Variants in AGO4 observed in about 807,000 individuals in gnomAD.
The protein encoded by AGO4 is argonaute RISC component 4.
In AGO4, 33 loss-of-function variants were observed where a neutral mutation model predicts 104.7. The ratio of observed to expected loss-of-function variants is 0.32; its 90% confidence interval spans 0.24 to 0.42. The LOEUF is 0.42. AGO4 is among the 10% of genes least tolerant of loss of function. The pLI, the probability that AGO4 is intolerant of heterozygous loss-of-function variation, is 1.00. For synonymous variants in AGO4, 331 were observed against 364.7 expected, an observed-to-expected ratio of 0.91 and a Z score of 1.05; for missense variants, 711 against 1,083.4, an observed-to-expected ratio of 0.66 and a Z score of 4.83.
chr1:35,822,315 G>A (rs988114681), intron 2 of AGO4, among the ~76,000 whole-genome samples: 2 of 152,076 alleles, frequency 1.3e-5, no homozygotes, highest in South Asian at 4.1e-4. Flanking sequence ...GAGTGCAATG[G>A]CACGATCTTG....
At chr1:35,822,319 G>A (rs1349592448) in intron 2 of AGO4, among the ~76,000 whole-genome samples, 2 of 152,050 alleles carry the variant, frequency 1.3e-5, no homozygotes, top group African/African-American at 4.8e-5. Context: ...GCAATGGCAC[G>A]ATCTTGGTTC....
Position 35,854,382 on chromosome 1 carries a change from T to C in AGO4, c.*777T>C, listed in dbSNP as rs1436061690. 2.0e-5 allele frequency: 3 copies of C among 152,562 alleles called. No individual in the cohort carries two copies. Among genetic ancestry groups the C allele is most frequent in the Non-Finnish European group, 4.4e-5 (3 of 68,020 alleles). 9.5% of individuals were successfully genotyped at this position (152,562 alleles called of 1,614,324 possible). A position where few individuals can be genotyped will look rare whatever the true frequency, so the allele number is the denominator to read the frequency against. On this transcript the variant is annotated 3_prime_UTR_variant, in exon 18 of 18. Coordinates refer to ENST00000373210, the MANE Select transcript of AGO4 (RefSeq NM_017629.4). ...TGTTTCCCCTATTTGGAAAAAAAAATTGCTTTTAGTATTTTTCCAAGTTTT... is the reference window on the plus strand; with the variant it reads ...TGTTTCCCCTATTTGGAAAAAAAAACTGCTTTTAGTATTTTTCCAAGTTTT...
rs1485044569 is a variant in AGO4, at chr1:35,816,056, A to T, written c.20-826A>T. Among the ~76,000 whole-genome samples, 5 of 152,222 alleles carry T rather than the reference A, an allele frequency of 3.3e-5. No homozygotes were observed. The East Asian group carries it at 9.6e-4, about 29-fold the overall frequency. ...TTCTAAAAATATCAAGTTATAAACG[A>T]GAAGGTCTAGCTTTATTGGTATTGT... On this transcript the variant is annotated intron_variant, in intron 1 of 17. Coordinates refer to ENST00000373210, the MANE Select transcript of AGO4 (RefSeq NM_017629.4).
At chr1:35,850,124 T>G in intron 15 of AGO4, 33 bp from the exon 16 acceptor site, 2 of 1,494,172 alleles carry the variant, frequency 1.3e-6, no homozygotes, top group South Asian at 2.5e-5. Context: ...TTTGGCACTT[T>G]GATGACTAAT....
In AGO4 at chr1:35,853,479, G is replaced by T; in HGVS notation, c.2478-18G>T. The T allele has an allele frequency of 6.4e-7, 1 of 1,573,934 alleles. No individual in the cohort carries two copies. Among genetic ancestry groups the T allele is most frequent in the Non-Finnish European group, 8.6e-7 (1 of 1,163,306 alleles). On this transcript the variant is annotated intron_variant, in intron 17 of 17. Transcript: ENST00000373210. ...TGTTTGTTTTGCTTTGTTTTGTTTT[G>T]TTTTATTCTCTTTACAGTGCGGAAG...
chr1:35,838,117 A>G (rs1644357867), intron 13 of AGO4, among the ~76,000 whole-genome samples: 1 of 151,918 alleles, frequency 6.6e-6, no homozygotes, highest in Non-Finnish European at 1.5e-5. Context: ...CAGTGATGCA[A>G]TCTCGGCTCA....
At position 35,808,445 on chromosome 1, in the gene AGO4, GAGCTC is replaced by G. The variant is rs1643369912; in HGVS notation, c.19+11_19+15del. On this transcript the variant is annotated intron_variant, in intron 1 of 17. Coordinates refer to ENST00000373210, the MANE Select transcript of AGO4 (RefSeq NM_017629.4). The surrounding 1 kb of genome is among the most constrained non-coding windows in gnomAD (Gnocchi z 5.2). Reference sequence around the variant, plus strand: ...GAGGCGCTGGGACCCGGTGAGGAGCGAGCTCGGGTCGGGGCGGGACCCGGGACCCG... The same window carrying G: ...GAGGCGCTGGGACCCGGTGAGGAGCGGGGTCGGGGCGGGACCCGGGACCCG... 8.5e-7 allele frequency: 1 copy of G among 1,177,694 alleles called. No homozygotes were observed. Among genetic ancestry groups the G allele is most frequent in the Non-Finnish European group, 1.0e-6 (1 of 953,176 alleles). The allele number at this position is 1,177,694 out of a possible 1,614,324, so 73.0% of individuals were successfully genotyped here. A position where few individuals can be genotyped will look rare whatever the true frequency, so the allele number is the denominator to read the frequency against.
chr1:35,847,329 G>A (rs924145032), intron 15 of AGO4, among the ~76,000 whole-genome samples: 10 of 152,076 alleles, frequency 6.6e-5, no homozygotes, highest in Admixed American at 1.3e-4. Flanking sequence ...TGCCTCCTGG[G>A]TTCAAGTGAT....
chr1:35,818,666 A>AAAGG lies in AGO4; in HGVS notation c.185+1654_185+1657dup, dbSNP rs796636245. ...GAAAGAAAGAAAGAAAGAAAGGAAG[A>AAAGG]AAGGAAGGAAGGAAGGAAGGAAGGA... On this transcript the variant is annotated intron_variant, in intron 2 of 17. Transcript: ENST00000373210. Among the ~76,000 whole-genome samples, 102 of 79,770 alleles carry AAAGG rather than the reference A, an allele frequency of 1.3e-3. 1 individual carries two copies. Among genetic ancestry groups the AAAGG allele is most frequent in the African/African-American group, 3.9e-3 (78 of 19,748 alleles). The allele number at this position is 79,770 out of a possible 152,430, so 52.3% of individuals were successfully genotyped here.
chr1:35,822,751 A>G (rs546342852), intron 2 of AGO4, 111 bp from the exon 3 acceptor site: 1 of 1,372,006 alleles, frequency 7.3e-7, no homozygotes, highest in East Asian at 2.4e-5. Context: ...CTTAACTCTT[A>G]CTTTTTCCAA....
intron 17 of AGO4, 96 bp downstream of exon 17, chr1:35,851,149 T>C (rs536083725): frequency 5.6e-5 from 70 of 1,245,608 alleles, no homozygotes; most frequent in Admixed American, 2.5e-4. Context: ...ATTTAAACTT[T>C]CAGAGTTTAA....
intron 1 of AGO4, among the ~76,000 whole-genome samples, chr1:35,811,885 A>G (rs1261171491): frequency 6.6e-6 from 1 of 152,136 alleles, no homozygotes; most frequent in Non-Finnish European, 1.5e-5. Context: ...GACATGAGCC[A>G]CTGCACCCAG....
rs967128258 is a variant in AGO4, at chr1:35,853,810, T to C, written c.*205T>C. On this transcript the variant is annotated 3_prime_UTR_variant, in exon 18 of 18. Coordinates refer to ENST00000373210, the MANE Select transcript of AGO4 (RefSeq NM_017629.4). The stretch of plus-strand genomic sequence containing the variant: ...ATTTTTTTAAAGTAATAGATACTAA[T>C]AGATTATCTTTTCTGATGCACTGGA... 6 of 445,746 alleles carry C rather than the reference T, an allele frequency of 1.3e-5. No homozygotes were observed. The highest frequency in any genetic ancestry group is 1.2e-4 in the African/African-American group (6 of 49,678). The allele number at this position is 445,746 out of a possible 1,614,324, so 27.6% of individuals were successfully genotyped here. A position where few individuals can be genotyped will look rare whatever the true frequency, so the allele number is the denominator to read the frequency against.
intron 1 of AGO4, among the ~76,000 whole-genome samples, chr1:35,815,453 TAG>T (rs748381070): frequency 6.6e-6 from 1 of 151,446 alleles, no homozygotes; most frequent in Non-Finnish European, 1.5e-5. Context: ...GTTCAAATCT[TAG>T]AGAGAGAGAG....
chr1:35,852,230 T>C (rs1053372325), intron 17 of AGO4, among the ~76,000 whole-genome samples: 2 of 152,142 alleles, frequency 1.3e-5, no homozygotes, highest in Non-Finnish European at 2.9e-5. Flanking sequence ...TAGGATAGAA[T>C]AGACAGGACT....
chr1:35,839,649 A>G (rs1431105030), intron 13 of AGO4, among the ~76,000 whole-genome samples: 1 of 152,098 alleles, frequency 6.6e-6, no homozygotes, highest in African/African-American at 2.4e-5. Flanking sequence ...TGTTGCCTAT[A>G]TATGTCCGCT....
intron 3 of AGO4, among the ~76,000 whole-genome samples, chr1:35,825,110 T>G (rs1312244742): frequency 6.6e-6 from 1 of 152,212 alleles, no homozygotes; most frequent in African/African-American, 2.4e-5. Flanking sequence ...TTATAACATC[T>G]ACCTTATTTT....
intron 2 of AGO4, among the ~76,000 whole-genome samples, chr1:35,820,482 C>T (rs558703875): frequency 4.6e-5 from 7 of 152,036 alleles, no homozygotes; most frequent in South Asian, 4.1e-4. Context: ...CTCAGCCTCC[C>T]GAGTAGCTGG....
chr1:35,832,676 T>G, intron 11 of AGO4, 106 bp downstream of exon 11: 1 of 1,371,948 alleles, frequency 7.3e-7, no homozygotes, highest in Non-Finnish European at 9.7e-7. Context: ...CTGACTCCCA[T>G]AGTGACACCA....
Sources: allele counts gnomAD v4.1 joint callset (sites outside exome capture counted in the v4.1 genomes callset), GRCh38; gene constraint gnomAD v4.1.1; non-coding constraint Gnocchi (gnomAD v3.1); transcripts MANE v1.5; gene names NCBI Gene and HGNC (gene_info 2026-07-23, HGNC 2026-07-21).